Variants in FAM184B observed in about 807,000 individuals in gnomAD.
FAM184B encodes protein FAM184B.
A neutral mutation model predicts 135.9 loss-of-function variants in FAM184B; 111 were observed. The observed-to-expected ratio is 0.82, with a 90% CI of 0.70 to 0.96. FAM184B has a LOEUF of 0.96. FAM184B is among the 40% of genes least tolerant of loss of function. The pLI is 0.00. For synonymous variants in FAM184B, 552 were observed against 524.8 expected, an observed-to-expected ratio of 1.05 and a Z score of -0.71; for missense variants, 1,375 against 1,323.9, an observed-to-expected ratio of 1.04 and a Z score of -0.60.
chr4:17,762,697 T>C (rs1165508650), intron 1 of FAM184B, among the ~76,000 whole-genome samples: 3 of 152,176 alleles, frequency 2.0e-5, no homozygotes, highest in Admixed American at 1.3e-4. Context: ...GACTATTTGG[T>C]GAACAATAAT....
At chr4:17,729,588 A>AGG (rs1717726963) in intron 1 of FAM184B, among the ~76,000 whole-genome samples, 1 of 152,252 alleles carries the variant, frequency 6.6e-6, no homozygotes, top group Non-Finnish European at 1.5e-5. Flanking sequence ...TTTGCGGTTC[A>AGG]CCAAGATCTG....
rs113961925 is a variant in FAM184B at position 17,676,234 on chromosome 4, C to T, written c.1597-11575G>A. Among the ~76,000 whole-genome samples the T allele has an allele frequency of 2.4e-3, 366 of 152,160 alleles. 8 individuals carry two copies. The highest frequency in any genetic ancestry group is 8.5e-3 in the African/African-American group (354 of 41,522). Reference sequence around the variant, plus strand: ...TAACTGCAATATTGTTGTGTTTCAGCGAATAGGGAGGTCCAAGGATAGAGA... The same window carrying T: ...TAACTGCAATATTGTTGTGTTTCAGTGAATAGGGAGGTCCAAGGATAGAGA... On this transcript the variant is annotated intron_variant, in intron 7 of 17. Coordinates refer to ENST00000265018, the MANE Select transcript of FAM184B (RefSeq NM_015688.2).
chr4:17,738,192 T>C (rs374187249), intron 1 of FAM184B, among the ~76,000 whole-genome samples: 12 of 152,166 alleles, frequency 7.9e-5, no homozygotes, highest in South Asian at 2.1e-4. Context: ...AATTTATTCA[T>C]TGGGATGGGA....
chr4:17,781,049 A>G lies in FAM184B; in HGVS notation c.141+110T>C. The stretch of plus-strand genomic sequence containing the variant: ...TCCCTTCCCGGTTGGCCTCCGAGAC[A>G]AAGTTTCTGTCTGGATTTGGCCCGG... On this transcript the variant is annotated intron_variant, in intron 1 of 17. Transcript: ENST00000265018. This position sits in a 1 kb window ranked among gnomAD's most constrained non-coding sequence, Gnocchi z 6.5. 1 of 1,360,996 alleles carries G rather than the reference A, an allele frequency of 7.3e-7. No homozygotes were observed. The highest frequency in any genetic ancestry group is 9.7e-7 in the Non-Finnish European group (1 of 1,033,960). 84.3% of individuals were successfully genotyped at this position (1,360,996 alleles called of 1,614,324 possible). A position where few individuals can be genotyped will look rare whatever the true frequency, so the allele number is the denominator to read the frequency against.
intron 1 of FAM184B, among the ~76,000 whole-genome samples, chr4:17,731,304 C>A (rs1201186624): frequency 2.6e-5 from 4 of 152,038 alleles, no homozygotes. Flanking sequence ...ATCATAATGA[C>A]AGGACTAAAT....
At chr4:17,763,523 A>C (rs1718592553) in intron 1 of FAM184B, among the ~76,000 whole-genome samples, 1 of 152,066 alleles carries the variant, frequency 6.6e-6, no homozygotes, top group Non-Finnish European at 1.5e-5. Context: ...GCCCCGCTCC[A>C]GGGGTCTAGG....
At position 17,633,858 on chromosome 4, in the gene FAM184B, C is replaced by T. The variant is rs183471400; in HGVS notation, c.2920G>A (p.Val974Met). ...KKKVEDVPSR[V>M]VSVPNLASYA... ...GAGGCGAGGTTCGGCACGCTGACCA[C>T]GCGGCTGGGCACGTCCTCCACCTTC... Residue 974 changes from valine (V) to methionine (M), a missense_variant, in exon 17 of 18, where the codon GTG (valine) becomes ATG (methionine). Val to Met is a conservative substitution (Grantham distance 21). Coordinates refer to ENST00000265018, the MANE Select transcript of FAM184B (RefSeq NM_015688.2). 26 of 1,550,716 alleles carry T rather than the reference C, an allele frequency of 1.7e-5. No individual in the cohort carries two copies. In the Admixed American group the frequency reaches 2.0e-4, roughly 12 times the overall value.
chr4:17,641,687 A>G (rs867254023), intron 13 of FAM184B, among the ~76,000 whole-genome samples: 1 of 52,712 alleles, frequency 1.9e-5, no homozygotes, highest in Non-Finnish European at 4.2e-5. Flanking sequence ...TTTAGTGGAG[A>G]CAGGGTTTCA....
Position 17,705,891 on chromosome 4 carries a change from T to A in FAM184B, c.1031A>T (p.Asp344Val), listed in dbSNP as rs1015164877. ...TGAAACTAACTCAGTCTTCATGGCA[T>A]CTGCAAGCATACATTTCAGCATTAT... ...LQECRGTQQT[D>V]AMKTELVSEN... Residue 344 changes from aspartate (D) to valine (V), a missense_variant and splice_region_variant, in exon 4 of 18, where the codon GAT becomes GTT. By Grantham distance (152) the Asp-to-Val change is radical. Coordinates refer to ENST00000265018, the MANE Select transcript of FAM184B (RefSeq NM_015688.2). The A allele has an allele frequency of 1.9e-6, 3 of 1,552,162 alleles. No individual in the cohort carries two copies. Among genetic ancestry groups the A allele is most frequent in the African/African-American group, 1.4e-5 (1 of 73,070 alleles).
intron 1 of FAM184B, among the ~76,000 whole-genome samples, chr4:17,772,269 A>C (rs1718834771): frequency 6.6e-6 from 1 of 152,180 alleles, no homozygotes; most frequent in Non-Finnish European, 1.5e-5. Context: ...TTAAACTCAG[A>C]GACTATTCTC....
intron 1 of FAM184B, among the ~76,000 whole-genome samples, chr4:17,753,408 G>A (rs1200334343): frequency 3.3e-5 from 5 of 152,050 alleles, no homozygotes; most frequent in Non-Finnish European, 7.4e-5. Flanking sequence ...ATATTTTATT[G>A]AACAAAATGT....
At chr4:17,643,136 C>T (rs1255020808) in intron 12 of FAM184B, among the ~76,000 whole-genome samples, 1 of 152,160 alleles carries the variant, frequency 6.6e-6, no homozygotes, top group Admixed American at 6.5e-5. Flanking sequence ...GGGGACAATC[C>T]TTGACCAATG....
At chr4:17,715,862 T>A (rs1334616601) in intron 1 of FAM184B, among the ~76,000 whole-genome samples, 3 of 152,176 alleles carry the variant, frequency 2.0e-5, no homozygotes, top group African/African-American at 7.2e-5. Context: ...TCTGCCTCCT[T>A]CTGAGAGCCG....
Position 17,647,720 on chromosome 4 carries a change from G to A in FAM184B, c.2263C>T (p.Gln755Ter), listed in dbSNP as rs1715508031. 6.4e-7 allele frequency: 1 copy of A among 1,551,054 alleles called. No individual in the cohort carries two copies. Among genetic ancestry groups the A allele is most frequent in the Admixed American group, 2.0e-5 (1 of 51,002 alleles). The change falls in exon 12 of 18, where the codon CAG becomes TAG. Residue 755 changes from glutamine to a stop codon, truncating the protein, a stop_gained. Coordinates refer to ENST00000265018, the MANE Select transcript of FAM184B (RefSeq NM_015688.2). LOFTEE classifies it high-confidence loss of function. ...CTGCCCAGAGCCCTCAGCTCGGCCT[G>A]CAGTGCCTCCAAGTCCTTCTGGTGC... ...SGHQKDLEAL[Q>*]AELRALGRQQ... is the part of the protein sequence containing the mutation.
chr4:17,660,004 C>G lies in FAM184B; in HGVS notation c.1778G>C (p.Arg593Pro). The G allele has an allele frequency of 6.4e-7, 1 of 1,551,504 alleles. No homozygotes were observed. The highest frequency in any genetic ancestry group is 8.7e-7 in the Non-Finnish European group (1 of 1,146,982). Residue 593 changes from arginine (R) to proline (P), a missense_variant, in exon 9 of 18, where the codon CGT becomes CCT. Coordinates refer to ENST00000265018, the MANE Select transcript of FAM184B (RefSeq NM_015688.2). ...LLKEKTSKIQ[R>P]LEEDWQSQKA... ...CTGGCTTTGCCAGTCCTCCTCTAGA[C>G]GCTGGATTTTGGATGTTTTCTCCTT... is the stretch of plus-strand genomic sequence containing the variant.
At chr4:17,666,940 TTTTTTTG>T (rs1365496306) in intron 7 of FAM184B, among the ~76,000 whole-genome samples, 1 of 146,880 alleles carries the variant, frequency 6.8e-6, no homozygotes, top group African/African-American at 2.5e-5. Context: ...CACCCACTTT[TTTTTTTG>T]TTTTTTTGTT....
At chr4:17,678,141 A>G (rs747030411) in intron 7 of FAM184B, among the ~76,000 whole-genome samples, 4 of 152,224 alleles carry the variant, frequency 2.6e-5, no homozygotes, top group South Asian at 2.1e-4. Flanking sequence ...CACCACTTCT[A>G]TTCAACATAG....
At position 17,646,352 on chromosome 4, in the gene FAM184B, G is replaced by A. The variant is rs532524118; in HGVS notation, c.2346+1285C>T. Among the ~76,000 whole-genome samples, 24 of 152,182 alleles carry A rather than the reference G, an allele frequency of 1.6e-4. No homozygotes were observed. The South Asian group carries it at 5.0e-3, about 32-fold the overall frequency. On this transcript the variant is annotated intron_variant, in intron 12 of 17. Coordinates refer to ENST00000265018, the MANE Select transcript of FAM184B (RefSeq NM_015688.2). Reference sequence around the variant, plus strand: ...CCCAAGTGTCCAACAATGATAGACTGGATTAAGAAAATGTGGCACATATAC... The same window carrying A: ...CCCAAGTGTCCAACAATGATAGACTAGATTAAGAAAATGTGGCACATATAC...
At chr4:17,690,867 A>G (rs1010261043) in intron 6 of FAM184B, among the ~76,000 whole-genome samples, 10 of 152,172 alleles carry the variant, frequency 6.6e-5, no homozygotes, top group African/African-American at 2.4e-4. Flanking sequence ...GTGTGATGAT[A>G]GGGCAGGATT....
Sources: gnomAD v4.1 joint callset for allele counts (sites outside exome capture counted in the v4.1 genomes callset) on GRCh38, gnomAD v4.1.1 for gene constraint, Gnocchi (gnomAD v3.1) non-coding constraint, MANE v1.5 for transcripts, NCBI Gene and HGNC (gene_info 2026-07-23, HGNC 2026-07-21) for gene names.